Variants in ETF1 observed in about 807,000 individuals in gnomAD.
The protein encoded by ETF1 is eukaryotic peptide chain release factor subunit 1.
Under a neutral mutation model 55.1 loss-of-function variants are expected in ETF1, and 4 were observed. The ratio of observed to expected loss-of-function variants is 0.07; its 90% CI spans 0.04 to 0.17. The LOEUF is 0.17. Ranked by LOEUF, ETF1 falls within the 10% of genes least tolerant of loss-of-function variation. The probability of loss-of-function intolerance (pLI) is 1.00; values close to 1 mark genes in which losing one functional copy is unlikely to be tolerated. For missense variants in ETF1, 142 were observed against 523.6 expected (o/e 0.27, Z 7.11); for synonymous variants, 157 against 182.3 (o/e 0.86, Z 1.12).
At chr5:138,518,564 C>T in intron 3 of ETF1, 128 bp downstream of exon 3, 1 of 774,486 alleles carries the variant, frequency 1.3e-6, no homozygotes. Context: ...AGCTAACCAC[C>T]AAGGCCAAAG....
At chr5:138,527,168 C>T (rs2127105648) in intron 2 of ETF1, among the ~76,000 whole-genome samples, 1 of 152,296 alleles carries the variant, frequency 6.6e-6, no homozygotes, top group East Asian at 1.9e-4. Context: ...ACTAGATGAG[C>T]TGGCTGTCCA....
At chr5:138,522,811 C>T (rs1765287923) in intron 2 of ETF1, among the ~76,000 whole-genome samples, 1 of 151,866 alleles carries the variant, frequency 6.6e-6, no homozygotes, top group Non-Finnish European at 1.5e-5. Context: ...TCGAGATCAT[C>T]CTGGCTAACA....
At chr5:138,511,804 T>C (rs561633279) in intron 6 of ETF1, 200 bp from the exon 7 acceptor site, 1 of 982,426 alleles carries the variant, frequency 1.0e-6, no homozygotes, top group Non-Finnish European at 1.2e-6. Flanking sequence ...ATATCACACA[T>C]TTTATTAGAC....
At chr5:138,525,241 T>C (rs1461229630) in intron 2 of ETF1, among the ~76,000 whole-genome samples, 1 of 151,860 alleles carries the variant, frequency 6.6e-6, no homozygotes, top group Non-Finnish European at 1.5e-5. Context: ...TGCTGCAGCC[T>C]CCACCTCCTG....
chr5:138,541,747 G>A, intron 2 of ETF1: 1 of 424,158 alleles, frequency 2.4e-6, no homozygotes. Flanking sequence ...ATGTAATAAT[G>A]TTCCAAACAC....
Position 138,508,237 on chromosome 5 carries a change from C to G in ETF1, c.*68G>C. 6.5e-7 allele frequency: 1 copy of G among 1,548,164 alleles called. No individual in the cohort carries two copies. Among genetic ancestry groups the G allele is most frequent in the Admixed American group, 1.9e-5 (1 of 53,042 alleles). On this transcript the variant is annotated 3_prime_UTR_variant, in exon 11 of 11. Transcript: ENST00000360541. ...AAGGCAGGGATCTGTTTGGATTCCA[C>G]CATGGGTATGCTCCTTGGGTTGGAT...
At position 138,517,398 on chromosome 5, in the gene ETF1, A is replaced by T; in HGVS notation, c.402+163T>A. Among the ~76,000 whole-genome samples the T allele has an allele frequency of 1.3e-5, 2 of 151,968 alleles. 1 individual carries two copies. Among genetic ancestry groups the T allele is most frequent in the Admixed American group, 1.3e-4 (2 of 15,250 alleles). On this transcript the variant is annotated intron_variant, in intron 4 of 10. Transcript: ENST00000360541. ...AAAAAAATAAAAAAATAAAAATAAA[A>T]AAATAAAAATAAAAGAAGTACAGCA...
At chr5:138,536,595 T>C (rs1377173303) in intron 2 of ETF1, among the ~76,000 whole-genome samples, 1 of 152,120 alleles carries the variant, frequency 6.6e-6, no homozygotes, top group African/African-American at 2.4e-5. Context: ...ACAGAATGTA[T>C]CCTAGGAGAA....
intron 2 of ETF1, among the ~76,000 whole-genome samples, chr5:138,540,394 T>G (rs1766123131): frequency 6.6e-6 from 1 of 152,218 alleles, no homozygotes; most frequent in Non-Finnish European, 1.5e-5. Context: ...ACTTAAGTCT[T>G]TAAAGCCCAT....
chr5:138,517,761 A>G (rs1765078746), intron 3 of ETF1, 61 bp from the exon 4 acceptor site: 1 of 1,356,484 alleles, frequency 7.4e-7, no homozygotes, highest in Non-Finnish European at 9.6e-7. Flanking sequence ...GTCAATTAAT[A>G]GAAAATGTTC....
chr5:138,536,732 G>A (rs546302849), intron 2 of ETF1, among the ~76,000 whole-genome samples: 52 of 152,206 alleles, frequency 3.4e-4, no homozygotes, highest in African/African-American at 1.1e-3. Context: ...AAATAGGATC[G>A]AAGACCATTT....
chr5:138,511,626 A>G (rs1227755051), intron 6 of ETF1, 22 bp from the exon 7 acceptor site: 1 of 1,586,914 alleles, frequency 6.3e-7, no homozygotes, highest in South Asian at 1.1e-5. Context: ...AAAAAATATT[A>G]TTAGTACTTA....
At chr5:138,538,772 C>T (rs1766053575) in intron 2 of ETF1, among the ~76,000 whole-genome samples, 1 of 152,086 alleles carries the variant, frequency 6.6e-6, no homozygotes, top group African/African-American at 2.4e-5. Flanking sequence ...GGGGAAGGTA[C>T]TCAAACACAT....
rs373314424 is a variant in ETF1, at chr5:138,510,957, C to T, written c.1018+88G>A. On this transcript the variant is annotated intron_variant, in intron 8 of 10. Coordinates refer to ENST00000360541, the MANE Select transcript of ETF1 (RefSeq NM_004730.4). Reference sequence around the variant, plus strand: ...AATGGGTAGATCTACCTTCTGATTGCTCCTGAAATCAGCCATCCCTCCCAA... The same window carrying T: ...AATGGGTAGATCTACCTTCTGATTGTTCCTGAAATCAGCCATCCCTCCCAA... 1.5e-5 allele frequency: 24 copies of T among 1,549,444 alleles called. No individual in the cohort carries two copies. In the East Asian group the frequency reaches 2.5e-4, roughly 16 times the overall value.
At chr5:138,511,726 A>C in intron 6 of ETF1, 122 bp from the exon 7 acceptor site, 1 of 1,397,610 alleles carries the variant, frequency 7.2e-7, no homozygotes, top group Non-Finnish European at 9.3e-7. Context: ...TGATCACTGA[A>C]GTCTAAATAT....
At chr5:138,515,882 C>T (rs181142380) in intron 4 of ETF1, among the ~76,000 whole-genome samples, 6 of 152,280 alleles carry the variant, frequency 3.9e-5, no homozygotes, top group Non-Finnish European at 7.4e-5. Context: ...TCTATGCAGT[C>T]GACCAAGATC....
In ETF1 at chr5:138,525,678, G is replaced by A. The variant is rs182903708; in HGVS notation, c.87-6811C>T. ...CAGTATCACCTGGCCAGGCGCGGTA[G>A]CTCATACCTGTAATCCCAGCACTGT... On this transcript the variant is annotated intron_variant, in intron 2 of 10. Transcript: ENST00000360541. Among the ~76,000 whole-genome samples, 7 of 152,166 alleles carry A rather than the reference G, an allele frequency of 4.6e-5. No homozygotes were observed. In the East Asian group the frequency reaches 1.2e-3, roughly 25 times the overall value.
Position 138,510,625 on chromosome 5 carries a change from C to G in ETF1, c.1023G>C (p.Glu341Asp). The G allele has an allele frequency of 6.2e-7, 1 of 1,612,286 alleles. No individual in the cohort carries two copies. Among genetic ancestry groups the G allele is most frequent in the Non-Finnish European group, 8.5e-7 (1 of 1,178,434 alleles). The stretch of plus-strand genomic sequence containing the variant: ...GCTCTGGAGTTAGATAGAGAATTTT[C>G]TCCTCTGTAGTATTAGGAGGAAAAA... The part of the protein sequence containing the change: ...YVLHCQGTEE[E>D]KILYLTPEQE... Residue 341 changes from glutamate to aspartate, a missense_variant, in exon 9 of 11, where the codon GAG becomes GAC. Transcript: ENST00000360541.
chr5:138,514,408 A>G (rs1053550551), intron 4 of ETF1, among the ~76,000 whole-genome samples: 1 of 152,164 alleles, frequency 6.6e-6, no homozygotes, highest in Non-Finnish European at 1.5e-5. Context: ...TACAAAAATT[A>G]GGTGGCTGTG....
Sources: gnomAD v4.1 joint callset for allele counts (sites outside exome capture counted in the v4.1 genomes callset) on GRCh38, gnomAD v4.1.1 for gene constraint, MANE v1.5 for transcripts, NCBI Gene and HGNC (gene_info 2026-07-23, HGNC 2026-07-21) for gene names.